The following KHDRBS2 variants were observed in gnomAD, a reference collection of about 807,000 sequenced individuals.
The protein encoded by KHDRBS2 is KH RNA binding domain containing, signal transduction associated 2.
KHDRBS2 carries 26 observed loss-of-function variants against 44.3 expected under a neutral mutation model. That is an observed-to-expected ratio of 0.59 (90% CI 0.43 to 0.81). The LOEUF (loss-of-function observed/expected upper bound fraction) is 0.81, where lower values mean the gene tolerates loss of function less well. Ranked by LOEUF, KHDRBS2 falls within the 40% of genes least tolerant of loss-of-function variation. The probability of loss-of-function intolerance (pLI) is 0.00; values close to 1 mark genes in which losing one functional copy is unlikely to be tolerated. For synonymous variants in KHDRBS2, 194 were observed against 151.1 expected (o/e 1.28, Z -2.08); for missense variants, 476 against 433.1 (o/e 1.10, Z -0.88).
At chr6:61,560,131 C>G in the KHDRBS2 span, among the ~76,000 whole-genome samples, 1 of 152,128 alleles carries the variant, frequency 6.6e-6, no homozygotes, top group Admixed American at 6.6e-5. Context: ...TCATGCCACT[C>G]TTTCACAGCC....
the KHDRBS2 span, among the ~76,000 whole-genome samples, chr6:61,602,302 C>T: frequency 6.6e-6 from 1 of 152,138 alleles, no homozygotes. Context: ...CTCCAGGACA[C>T]AAGAACTTCC....
intron 6 of KHDRBS2, among the ~76,000 whole-genome samples, chr6:61,881,540 C>T (rs1414310280): frequency 6.6e-6 from 1 of 151,826 alleles, no homozygotes; most frequent in African/African-American, 2.4e-5. Context: ...TTCAACATCT[C>T]GACAGGCAGA....
At chr6:62,071,677 T>C (rs1047395420) in intron 2 of KHDRBS2, among the ~76,000 whole-genome samples, 4 of 152,164 alleles carry the variant, frequency 2.6e-5, no homozygotes, top group African/African-American at 9.7e-5. Context: ...TTCTGAGAGC[T>C]CTGTTCTGTT....
At chr6:61,982,183 G>A (rs1342124822) in intron 3 of KHDRBS2, among the ~76,000 whole-genome samples, 2 of 150,570 alleles carry the variant, frequency 1.3e-5, no homozygotes, top group Non-Finnish European at 2.9e-5. Flanking sequence ...ATTTACCCTA[G>A]GTAATGTGAT....
At position 61,993,917 on chromosome 6, in the gene KHDRBS2, A is replaced by T. The variant is rs546551337; in HGVS notation, c.337-15705T>A. Among the ~76,000 whole-genome samples, 4 of 152,038 alleles carry T rather than the reference A, an allele frequency of 2.6e-5. No individual in the cohort carries two copies. In the South Asian group the frequency reaches 6.3e-4, roughly 24 times the overall value. On this transcript the variant is annotated intron_variant, in intron 3 of 8. Transcript: ENST00000281156. ...AGACTAAACTTTAGGAAATTGATTGACTCAAATATTCAGCTCAATGATAAC... is the reference window on the plus strand; with the variant it reads ...AGACTAAACTTTAGGAAATTGATTGTCTCAAATATTCAGCTCAATGATAAC...
At chr6:61,975,653 G>GCGCA (rs1554300998) in intron 4 of KHDRBS2, among the ~76,000 whole-genome samples, 4 of 88,322 alleles carry the variant, frequency 4.5e-5, no homozygotes, top group African/African-American at 1.3e-4. Context: ...TAAGCAAGAT[G>GCGCA]CACACACACA....
rs1835498957 is a variant in KHDRBS2, at chr6:62,246,102, T to TATATATA, written c.91+39755_91+39756insTATATAT. Among the ~76,000 whole-genome samples the TATATATA allele has an allele frequency of 7.2e-5, 9 of 124,350 alleles. No homozygotes were observed. In the East Asian group the frequency reaches 1.4e-3, roughly 20 times the overall value. 81.6% of individuals were successfully genotyped at this position (124,350 alleles called of 152,430 possible). A position where few individuals can be genotyped will look rare whatever the true frequency, so the allele number is the denominator to read the frequency against. ...CATAGAAACATTAATTCAATCAATT[T>TATATATA]TATATATATATATATATATATATAT... On this transcript the variant is annotated intron_variant, in intron 1 of 8. Transcript: ENST00000281156.
At chr6:61,869,979 T>TG (rs1562339495) in intron 6 of KHDRBS2, among the ~76,000 whole-genome samples, 10 of 85,000 alleles carry the variant, frequency 1.2e-4, no homozygotes, top group African/African-American at 1.6e-4. Flanking sequence ...TTTTTTTTTT[T>TG]TTTTTTTTCC....
At chr6:61,867,157 T>C (rs521466) in intron 6 of KHDRBS2, among the ~76,000 whole-genome samples, 87,559 of 151,888 alleles carry the variant, frequency 0.58, 25,439 homozygotes, top group South Asian at 0.68. Context: ...AAGACTGGGA[T>C]GAAAAATAGG....
rs189080924 is a variant in KHDRBS2, at chr6:62,089,857, C to T, written c.220-41863G>A. 5.3e-5 allele frequency among the ~76,000 whole-genome samples: 8 copies of T among 152,074 alleles called. No individual in the cohort carries two copies. In the East Asian group the frequency reaches 5.8e-4, roughly 11 times the overall value. ...ATTGTTTGTGTAATGTGTGTAAAGG[C>T]TGAATAAAGATGTAGAGCCACTCTA... On this transcript the variant is annotated intron_variant, in intron 2 of 8. Coordinates refer to ENST00000281156, the MANE Select transcript of KHDRBS2 (RefSeq NM_152688.4).
chr6:61,957,445 G>C (rs758720594), intron 4 of KHDRBS2, among the ~76,000 whole-genome samples: 1 of 152,112 alleles, frequency 6.6e-6, no homozygotes, highest in African/African-American at 2.4e-5. Flanking sequence ...CTTTTTCTCA[G>C]CAAGGAACAA....
chr6:62,141,748 C>T (rs73758683), intron 2 of KHDRBS2, among the ~76,000 whole-genome samples: 1,544 of 152,160 alleles, frequency 0.01, 31 homozygotes, highest in African/African-American at 0.035. Flanking sequence ...CAGGCCCTTA[C>T]TAATGAAAAG....
chr6:61,934,212 A>T (rs927997608), intron 4 of KHDRBS2, among the ~76,000 whole-genome samples: 1 of 151,964 alleles, frequency 6.6e-6, no homozygotes, highest in African/African-American at 2.4e-5. Flanking sequence ...ACCCCTTGTC[A>T]GATATATACT....
At chr6:61,744,004 C>A (rs190537440) in intron 6 of KHDRBS2, among the ~76,000 whole-genome samples, 17 of 152,080 alleles carry the variant, frequency 1.1e-4, no homozygotes, top group Non-Finnish European at 2.4e-4. Flanking sequence ...GTATATGTGC[C>A]ACATTTTCTT....
chr6:61,699,970 C>T (rs538798327), intron 7 of KHDRBS2, among the ~76,000 whole-genome samples: 1 of 151,904 alleles, frequency 6.6e-6, no homozygotes, highest in Non-Finnish European at 1.5e-5. Flanking sequence ...TCTCTTCTTT[C>T]ACATACTTGA....
intron 2 of KHDRBS2, among the ~76,000 whole-genome samples, chr6:62,064,335 C>T (rs1444845948): frequency 1.3e-5 from 2 of 148,668 alleles, no homozygotes; most frequent in Admixed American, 6.8e-5. Flanking sequence ...CAATCCTAAG[C>T]CAAAAGAACA....
intron 7 of KHDRBS2, among the ~76,000 whole-genome samples, chr6:61,715,356 C>A (rs530306860): frequency 6.6e-6 from 1 of 152,034 alleles, no homozygotes; most frequent in East Asian, 1.9e-4. Context: ...AAACTCTATC[C>A]CAATACCACT....
chr6:62,006,085 TA>T, intron 3 of KHDRBS2, among the ~76,000 whole-genome samples: 1 of 152,052 alleles, frequency 6.6e-6, no homozygotes, highest in Middle Eastern at 3.4e-3. Flanking sequence ...TGAGAATCTC[TA>T]AAAAATGAGT....
At chr6:62,116,605 T>G (rs1806290067) in intron 2 of KHDRBS2, among the ~76,000 whole-genome samples, 1 of 152,192 alleles carries the variant, frequency 6.6e-6, no homozygotes, top group African/African-American at 2.4e-5. Flanking sequence ...GTCTTTGTGT[T>G]GGGAACATTC....
Sources: allele counts gnomAD v4.1 joint callset (sites outside exome capture counted in the v4.1 genomes callset), GRCh38; gene constraint gnomAD v4.1.1; transcripts MANE v1.5; gene names NCBI Gene and HGNC (gene_info 2026-07-23, HGNC 2026-07-21).